SEPTIN8: variants seen among roughly 807,000 people sequenced by gnomAD.
SEPTIN8 encodes the protein septin 8, also known as septin-8.
Under a neutral mutation model 53.1 loss-of-function variants are expected in SEPTIN8, and 22 were observed. The observed-to-expected ratio is 0.41, with a 90% CI of 0.30 to 0.59. SEPTIN8 has a LOEUF of 0.59. Ranked by LOEUF, SEPTIN8 falls within the 20% of genes least tolerant of loss-of-function variation. The pLI is 0.24. For missense variants in SEPTIN8, 536 were observed against 638.7 expected (o/e 0.84, Z 1.73); for synonymous variants, 228 against 248.4 (o/e 0.92, Z 0.77).
At chr5:132,756,232 C>T in intron 9 of SEPTIN8, 1 of 985,408 alleles carries the variant, frequency 1.0e-6, no homozygotes, top group Non-Finnish European at 1.2e-6. Context: ...GTCAGTAATG[C>T]ACAATTACAA....
rs199685472 is a variant in SEPTIN8, at chr5:132,760,756, C to T, written c.1286+46G>A. ...TGAGGGACAAGAACGAAAGCAAGAG[C>T]CCACAGGAGCAAGAGGAGCCAGCGC... is the stretch of plus-strand genomic sequence containing the variant. On this transcript the variant is annotated intron_variant, in intron 9 of 9. Coordinates refer to ENST00000378719, the MANE Select transcript of SEPTIN8 (RefSeq NM_001098811.2). This position sits in a 1 kb window ranked among gnomAD's most constrained non-coding sequence, Gnocchi z 5.2. 6.4e-7 allele frequency: 1 copy of T among 1,563,610 alleles called. No homozygotes were observed. Among genetic ancestry groups the T allele is most frequent in the African/African-American group, 1.4e-5 (1 of 73,254 alleles).
intron 2 of SEPTIN8, 140 bp from the exon 3 acceptor site, chr5:132,764,559 C>T (rs1241295292): frequency 1.9e-5 from 12 of 633,256 alleles, no homozygotes; most frequent in Non-Finnish European, 3.3e-5. Flanking sequence ...CCACCCCATC[C>T]CTCATCACCC....
intron 9 of SEPTIN8, chr5:132,756,468 C>G: frequency 2.0e-6 from 2 of 985,368 alleles, no homozygotes; most frequent in Non-Finnish European, 2.4e-6. Context: ...TAAGACAGCC[C>G]TAATAAAGCC....
At position 132,776,781 on chromosome 5, in the gene SEPTIN8, C is replaced by T. The variant is rs1347882490; in HGVS notation, c.30+327G>A. ...GCGATAGGGTCCGGAGTGTCCCGGA[C>T]CCTCACCTGCGGCCCCGCGGGCGCC... is the stretch of plus-strand genomic sequence containing the variant. On this transcript the variant is annotated intron_variant, in intron 1 of 9. Transcript: ENST00000378719. The surrounding 1 kb of genome is among the most constrained non-coding windows in gnomAD (Gnocchi z 4.4). Among the ~76,000 whole-genome samples, 3 of 152,184 alleles carry T rather than the reference C, an allele frequency of 2.0e-5. No homozygotes were observed. The highest frequency in any genetic ancestry group is 4.4e-5 in the Non-Finnish European group (3 of 68,012).
intron 3 of SEPTIN8, 138 bp from the exon 4 acceptor site, chr5:132,764,030 A>G: frequency 9.8e-7 from 1 of 1,019,194 alleles, no homozygotes; most frequent in South Asian, 1.6e-5. Context: ...GAGATCCCTG[A>G]CTGGATACAG....
upstream of SEPTIN8, chr5:132,778,238 C>A (rs1037734729): frequency 6.5e-6 from 2 of 308,474 alleles, no homozygotes; most frequent in Non-Finnish European, 9.5e-6. Context: ...CCCCCTACCC[C>A]CCACTGGCCT....
At chr5:132,770,109 G>GTATATA (rs376943829) in intron 1 of SEPTIN8, among the ~76,000 whole-genome samples, 10 of 80,766 alleles carry the variant, frequency 1.2e-4, no homozygotes, top group Non-Finnish European at 1.9e-4. Flanking sequence ...ATGTATATAT[G>GTATATA]TATATATATA....
rs749763912 is a variant in SEPTIN8, at chr5:132,765,400, G to C, written c.151+9C>G. 1.9e-6 allele frequency: 3 copies of C among 1,613,090 alleles called. No homozygotes were observed. Among genetic ancestry groups the C allele is most frequent in the Non-Finnish European group, 2.5e-6 (3 of 1,179,570 alleles). ...CACCCTCTGTCTGAGGCCAGGCCCT[G>C]ACACTCACCCACACAGAGGATGTTG... On this transcript the variant is annotated intron_variant, in intron 2 of 9. Coordinates refer to ENST00000378719, the MANE Select transcript of SEPTIN8 (RefSeq NM_001098811.2).
At position 132,751,794 on chromosome 5, in the gene SEPTIN8, C is replaced by T. The variant is rs1331722456; in HGVS notation, c.*222G>A. The stretch of plus-strand genomic sequence containing the variant: ...TCCCGGAGTGGAAGCTCAGCTTGGC[C>T]ACAGGATGGGCATTAAGCCTCAAGC... On this transcript the variant is annotated 3_prime_UTR_variant, in exon 10 of 10. Transcript: ENST00000378719. 1 of 762,234 alleles carries T rather than the reference C, an allele frequency of 1.3e-6. No individual in the cohort carries two copies. Among genetic ancestry groups the T allele is most frequent in the African/African-American group, 1.8e-5 (1 of 56,434 alleles). The allele number at this position is 762,234 out of a possible 1,614,324, so 47.2% of individuals were successfully genotyped here. A position where few individuals can be genotyped will look rare whatever the true frequency, so the allele number is the denominator to read the frequency against.
At chr5:132,758,755 G>GT (rs1246040565) in intron 9 of SEPTIN8, 26 of 1,613,888 alleles carry the variant, frequency 1.6e-5, no homozygotes, top group African/African-American at 2.7e-5. Flanking sequence ...GTCACAAGGT[G>GT]TAACTCAAGC....
At chr5:132,752,953 GTGTCACC>G in intron 9 of SEPTIN8, 1 of 1,614,054 alleles carries the variant, frequency 6.2e-7, no homozygotes, top group African/African-American at 1.3e-5. Context: ...AGACAACTTT[GTGTCACC>G]TGCCAACTAG....
At chr5:132,756,141 C>T in intron 9 of SEPTIN8, 1 of 985,454 alleles carries the variant, frequency 1.0e-6, no homozygotes, top group Non-Finnish European at 1.2e-6. Flanking sequence ...AACAGACTAG[C>T]AAGCCACACT....
At chr5:132,764,102 T>C in intron 3 of SEPTIN8, 122 bp downstream of exon 3, 1 of 1,121,256 alleles carries the variant, frequency 8.9e-7, no homozygotes, top group Non-Finnish European at 1.3e-6. Flanking sequence ...CCACAGAGCC[T>C]CAGATATTCC....
chr5:132,765,555 C>T, intron 1 of SEPTIN8, 26 bp from the exon 2 acceptor site: 1 of 1,559,330 alleles, frequency 6.4e-7, no homozygotes, highest in Non-Finnish European at 8.6e-7. Flanking sequence ...TAAAGCAAGA[C>T]ATGAGCCCAC....
intron 9 of SEPTIN8, chr5:132,753,582 G>A (rs1181180485): frequency 6.5e-6 from 1 of 152,780 alleles, no homozygotes; most frequent in Non-Finnish European, 1.5e-5. Context: ...TTTGTTTAAT[G>A]TAACTTGAGC....
At position 132,751,946 on chromosome 5, in the gene SEPTIN8, T is replaced by G. The variant is rs775682601; in HGVS notation, c.*70A>C. On this transcript the variant is annotated 3_prime_UTR_variant, in exon 10 of 10. Transcript: ENST00000378719. ...AAGTATGGCGTTTTCTGTTCTAACATTAAAAACCATGGTCTCCAGTTCCAT... is the reference window on the plus strand; with the variant it reads ...AAGTATGGCGTTTTCTGTTCTAACAGTAAAAACCATGGTCTCCAGTTCCAT... 8 of 1,592,588 alleles carry G rather than the reference T, an allele frequency of 5.0e-6. No homozygotes were observed. In the South Asian group the frequency reaches 8.0e-5, roughly 16 times the overall value.
chr5:132,755,894 C>A, intron 9 of SEPTIN8: 1 of 894,504 alleles, frequency 1.1e-6, no homozygotes, highest in Non-Finnish European at 1.3e-6. Context: ...TCAACCTCCA[C>A]AAAATTCAAA....
chr5:132,770,131 A>G lies in SEPTIN8; in HGVS notation c.31-4602T>C, dbSNP rs187784804. Among the ~76,000 whole-genome samples, 150 of 71,506 alleles carry G rather than the reference A, an allele frequency of 2.1e-3. 2 individuals are homozygous for G. The African/African-American group carries it at 0.032, about 15-fold the overall frequency. The allele number at this position is 71,506 out of a possible 152,430, so 46.9% of individuals were successfully genotyped here. On this transcript the variant is annotated intron_variant, in intron 1 of 9. Coordinates refer to ENST00000378719, the MANE Select transcript of SEPTIN8 (RefSeq NM_001098811.2). ...TATGTATATATATATATATGTATAT[A>G]TGTGTATGTGTGTGTATATATATAT...
At chr5:132,755,946 T>C in intron 9 of SEPTIN8, 1 of 953,724 alleles carries the variant, frequency 1.0e-6, no homozygotes, top group Non-Finnish European at 1.2e-6. Context: ...AGCAGATTAA[T>C]GGGCTCAGGA....
Sources: gnomAD v4.1 joint callset for allele counts (sites outside exome capture counted in the v4.1 genomes callset) on GRCh38, gnomAD v4.1.1 for gene constraint, Gnocchi (gnomAD v3.1) non-coding constraint, MANE v1.5 for transcripts, NCBI Gene and HGNC (gene_info 2026-07-23, HGNC 2026-07-21) for gene names.